OTUD7B: variants seen among roughly 807,000 people sequenced by gnomAD.
OTUD7B encodes OTU deubiquitinase 7B, also known as OTU domain-containing protein 7B.
A neutral mutation model predicts 82.2 loss-of-function variants in OTUD7B; 34 were observed. The ratio of observed to expected loss-of-function variants is 0.41; its 90% CI spans 0.31 to 0.55. The LOEUF (loss-of-function observed/expected upper bound fraction) is 0.55, where lower values mean the gene tolerates loss of function less well. OTUD7B is among the 20% of genes least tolerant of loss of function. The pLI is 0.20. For synonymous variants in OTUD7B, 398 were observed against 402.7 expected, an observed-to-expected ratio of 0.99 and a Z score of 0.14; for missense variants, 944 against 1,062.1, an observed-to-expected ratio of 0.89 and a Z score of 1.55.
intron 1 of OTUD7B, among the ~76,000 whole-genome samples, chr1:149,991,147 ACT>A (rs1319440160): frequency 1.3e-5 from 2 of 151,992 alleles, no homozygotes; most frequent in South Asian, 2.1e-4. Context: ...AGGCTAAATA[ACT>A]CTTACTATTT....
At chr1:149,990,773 A>G (rs1429668582) in intron 1 of OTUD7B, among the ~76,000 whole-genome samples, 1 of 152,156 alleles carries the variant, frequency 6.6e-6, no homozygotes, top group Non-Finnish European at 1.5e-5. Context: ...AGGCAGGTGG[A>G]TCACCTGAGG....
the OTUD7B span, among the ~76,000 whole-genome samples, chr1:150,030,399 C>T: frequency 6.6e-6 from 1 of 152,174 alleles, no homozygotes; most frequent in Non-Finnish European, 1.5e-5. Context: ...CTTCGAAATG[C>T]CCCTTCTGTT....
At chr1:149,983,769 T>C (rs1337651693) in intron 1 of OTUD7B, among the ~76,000 whole-genome samples, 1 of 152,116 alleles carries the variant, frequency 6.6e-6, no homozygotes, top group Non-Finnish European at 1.5e-5. Context: ...CAGATGTGAA[T>C]TGTTAAAAGA....
chr1:150,019,900 G>C, the OTUD7B span, among the ~76,000 whole-genome samples: 1 of 151,950 alleles, frequency 6.6e-6, no homozygotes, highest in Non-Finnish European at 1.5e-5. Flanking sequence ...ACTTTGGGAA[G>C]CTGAAGCGGG....
At chr1:150,055,021 A>T in the OTUD7B span, 1 of 222,854 alleles carries the variant, frequency 4.5e-6, no homozygotes, top group Non-Finnish European at 9.1e-6. Context: ...TTATCCTTAC[A>T]AATTGGTGTT....
At chr1:149,954,920 G>C (rs1553774238) in intron 7 of OTUD7B, among the ~76,000 whole-genome samples, 1 of 152,058 alleles carries the variant, frequency 6.6e-6, no homozygotes, top group African/African-American at 2.4e-5. Flanking sequence ...GTGTCTATTT[G>C]ATTCTTCTCT....
chr1:149,992,358 G>GATT (rs1291922483), intron 1 of OTUD7B, among the ~76,000 whole-genome samples: 1 of 151,552 alleles, frequency 6.6e-6, no homozygotes, highest in Non-Finnish European at 1.5e-5. Context: ...GGTAGGACAA[G>GATT]ATTATGTGTG....
chr1:150,061,148 C>G, the OTUD7B span, among the ~76,000 whole-genome samples: 4 of 152,160 alleles, frequency 2.6e-5, no homozygotes, highest in African/African-American at 9.7e-5. Flanking sequence ...TGCCTTGGCC[C>G]GCAAATGCTG....
intron 2 of OTUD7B, among the ~76,000 whole-genome samples, chr1:149,972,996 C>T (rs1559847093): frequency 1.3e-5 from 2 of 152,194 alleles, no homozygotes. Flanking sequence ...TTTAGCTCCT[C>T]AAGTTTCCTC....
upstream of OTUD7B, among the ~76,000 whole-genome samples, chr1:150,014,299 C>T (rs1250523709): frequency 6.8e-6 from 1 of 146,724 alleles, no homozygotes; most frequent in African/African-American, 2.5e-5. Flanking sequence ...ACTAGGGAGG[C>T]TAAGGTGGGA....
At chr1:150,007,900 T>C (rs1652770878) in intron 1 of OTUD7B, among the ~76,000 whole-genome samples, 2 of 152,272 alleles carry the variant, frequency 1.3e-5, no homozygotes, top group Non-Finnish European at 2.9e-5. Flanking sequence ...CAAAGCGCTG[T>C]TTAAGGATTT....
the OTUD7B span, among the ~76,000 whole-genome samples, chr1:150,057,550 A>G: frequency 6.6e-6 from 1 of 152,238 alleles, no homozygotes; most frequent in Non-Finnish European, 1.5e-5. Flanking sequence ...TGTCTTCTCC[A>G]TATACTACAT....
At chr1:150,055,918 A>G in the OTUD7B span, among the ~76,000 whole-genome samples, 12 of 152,298 alleles carry the variant, frequency 7.9e-5, no homozygotes, top group African/African-American at 2.9e-4. Flanking sequence ...AGGAGCAGGA[A>G]AAGTAACTAT....
intron 1 of OTUD7B, among the ~76,000 whole-genome samples, chr1:149,981,346 G>A (rs1332862850): frequency 6.6e-6 from 1 of 152,126 alleles, no homozygotes; most frequent in Non-Finnish European, 1.5e-5. Flanking sequence ...TACAAGGTCT[G>A]ACAGGGACCT....
At chr1:150,032,648 G>A in the OTUD7B span, among the ~76,000 whole-genome samples, 3 of 150,894 alleles carry the variant, frequency 2.0e-5, no homozygotes, top group East Asian at 5.9e-4. Context: ...AAGAAAAGAA[G>A]AAAAGAAGAG....
At chr1:150,018,965 T>A in the OTUD7B span, among the ~76,000 whole-genome samples, 49 of 152,270 alleles carry the variant, frequency 3.2e-4, no homozygotes, top group Non-Finnish European at 5.4e-4. Context: ...TGGCTACTCC[T>A]AAAATTAAAG....
chr1:149,979,529 G>A (rs35786175), intron 1 of OTUD7B, among the ~76,000 whole-genome samples: 3 of 152,086 alleles, frequency 2.0e-5, no homozygotes, highest in African/African-American at 4.8e-5. Flanking sequence ...ATAGCCTCAT[G>A]ATCTATGATC....
intron 7 of OTUD7B, among the ~76,000 whole-genome samples, chr1:149,951,257 C>T (rs1648226772): frequency 6.6e-6 from 1 of 152,116 alleles, no homozygotes; most frequent in African/African-American, 2.4e-5. Flanking sequence ...AGGCGTGAGC[C>T]ACTGTGCCTG....
the OTUD7B span, among the ~76,000 whole-genome samples, chr1:150,059,012 T>G: frequency 1.3e-5 from 2 of 151,862 alleles, no homozygotes; most frequent in African/African-American, 4.8e-5. Flanking sequence ...ACTGACAAAT[T>G]AAGGTACTGA....
Sources: gnomAD v4.1 joint callset for allele counts (sites outside exome capture counted in the v4.1 genomes callset) on GRCh38, gnomAD v4.1.1 for gene constraint, MANE v1.5 for transcripts, NCBI Gene and HGNC (gene_info 2026-07-23, HGNC 2026-07-21) for gene names.